COL25A1: variants seen among roughly 807,000 people sequenced by gnomAD.
The protein encoded by COL25A1 is collagen type XXV alpha 1 chain.
COL25A1 carries 103 observed loss-of-function variants against 128.4 expected under a neutral mutation model. The ratio of observed to expected loss-of-function variants is 0.80; its 90% CI spans 0.68 to 0.94. COL25A1 has a LOEUF of 0.94. COL25A1 is among the 40% of genes least tolerant of loss of function. The probability of loss-of-function intolerance (pLI) is 0.00; values close to 1 mark genes in which losing one functional copy is unlikely to be tolerated. For missense variants in COL25A1, 745 were observed against 840.0 expected (o/e 0.89, Z 1.40); for synonymous variants, 279 against 277.2 (o/e 1.01, Z -0.06).
chr4:109,268,775 G>T (rs1781965319), intron 3 of COL25A1, among the ~76,000 whole-genome samples: 1 of 152,082 alleles, frequency 6.6e-6, no homozygotes, highest in Non-Finnish European at 1.5e-5. Flanking sequence ...GTGTGAGCTG[G>T]CTCAACAGAA....
intron 19 of COL25A1, among the ~76,000 whole-genome samples, chr4:108,880,626 C>G (rs189236084): frequency 1.4e-3 from 217 of 152,286 alleles, no homozygotes; most frequent in Non-Finnish European, 2.3e-3. Context: ...TTAATTTTCA[C>G]AACAGCTCTC....
At chr4:109,249,306 T>C (rs1474357392) in intron 3 of COL25A1, among the ~76,000 whole-genome samples, 3 of 152,204 alleles carry the variant, frequency 2.0e-5, no homozygotes, top group Admixed American at 6.5e-5. Context: ...GAAGCCAAGA[T>C]TCATGTGATC....
chr4:109,094,096 A>G (rs946307111), intron 3 of COL25A1, among the ~76,000 whole-genome samples: 6 of 152,250 alleles, frequency 3.9e-5, no homozygotes, highest in African/African-American at 9.6e-5. Context: ...ATGAGTGAAT[A>G]AATGATAAGT....
chr4:109,150,583 T>C (rs1323065037), intron 3 of COL25A1, among the ~76,000 whole-genome samples: 1 of 152,188 alleles, frequency 6.6e-6, no homozygotes, highest in Non-Finnish European at 1.5e-5. Flanking sequence ...TAATTATCAT[T>C]AATATAATCA....
rs114542615 is a variant in COL25A1 at position 109,090,804 on chromosome 4, G to A, written c.368-40625C>T. Among the ~76,000 whole-genome samples, 1,409 of 152,258 alleles carry A rather than the reference G, an allele frequency of 9.3e-3. 24 individuals are homozygous for A. The highest frequency in any genetic ancestry group is 0.032 in the African/African-American group (1,331 of 41,552). ...ATGTGATGTAACTACTTGGGAAACA[G>A]TCTTTTGGACTCAGCATTAGTGATT... On this transcript the variant is annotated intron_variant, in intron 3 of 37. Coordinates refer to ENST00000399132, the MANE Select transcript of COL25A1 (RefSeq NM_198721.4).
intron 8 of COL25A1, among the ~76,000 whole-genome samples, chr4:108,948,452 A>G (rs1185852813): frequency 6.6e-6 from 1 of 152,148 alleles, no homozygotes; most frequent in African/African-American, 2.4e-5. Context: ...CAACTGGCTC[A>G]AAAAGTTACT....
chr4:109,001,896 T>C lies in COL25A1; in HGVS notation c.438+8462A>G, dbSNP rs1441749660. Among the ~76,000 whole-genome samples the C allele has an allele frequency of 3.4e-5, 5 of 147,190 alleles. No individual in the cohort carries two copies. The East Asian group carries it at 6.0e-4, about 18-fold the overall frequency. ...ATTATTGATAATATTAAAAGTACTATCACAAGAGATGTGACATTTTTCCAA... is the reference window on the plus strand; with the variant it reads ...ATTATTGATAATATTAAAAGTACTACCACAAGAGATGTGACATTTTTCCAA... On this transcript the variant is annotated intron_variant, in intron 6 of 37. Coordinates refer to ENST00000399132, the MANE Select transcript of COL25A1 (RefSeq NM_198721.4).
At chr4:109,288,161 C>T (rs1272953056) in intron 3 of COL25A1, among the ~76,000 whole-genome samples, 1 of 152,198 alleles carries the variant, frequency 6.6e-6, no homozygotes, top group Admixed American at 6.5e-5. Flanking sequence ...AAAGTTCCTT[C>T]AGTCCTTCCC....
chr4:109,048,245 A>G, intron 4 of COL25A1, 70 bp from the exon 5 acceptor site: 1 of 1,424,206 alleles, frequency 7.0e-7, no homozygotes, highest in South Asian at 1.2e-5. Flanking sequence ...ATTAAAATCA[A>G]ACAAAAGATA....
chr4:108,861,211 T>C (rs1737174535), intron 22 of COL25A1, among the ~76,000 whole-genome samples: 2 of 152,090 alleles, frequency 1.3e-5, no homozygotes, highest in South Asian at 2.1e-4. Context: ...CAACAATATA[T>C]ATGGTAACTG....
chr4:108,901,996 T>C lies in COL25A1; in HGVS notation c.781-824A>G, dbSNP rs1418063483. ...AGAATTCTGTTCTCATTTTAAAACA[T>C]TCTGAAAGCCCTTCACTGTGTGCCC... On this transcript the variant is annotated intron_variant, in intron 13 of 37. Coordinates refer to ENST00000399132, the MANE Select transcript of COL25A1 (RefSeq NM_198721.4). Among the ~76,000 whole-genome samples, 3 of 152,158 alleles carry C rather than the reference T, an allele frequency of 2.0e-5. No individual in the cohort carries two copies. In the East Asian group the frequency reaches 5.8e-4, roughly 29 times the overall value.
At chr4:108,923,785 A>T (rs965765266) in intron 11 of COL25A1, among the ~76,000 whole-genome samples, 2 of 152,212 alleles carry the variant, frequency 1.3e-5, no homozygotes. Flanking sequence ...GTGATTCAAG[A>T]TTTCCAAAAC....
intron 10 of COL25A1, among the ~76,000 whole-genome samples, chr4:108,938,792 G>C (rs1454079574): frequency 6.6e-6 from 1 of 152,134 alleles, no homozygotes; most frequent in Admixed American, 6.5e-5. Context: ...GGGAGGCAGA[G>C]GTTGCAGTGA....
At chr4:109,198,888 G>A (rs1470688664) in intron 3 of COL25A1, among the ~76,000 whole-genome samples, 1 of 152,254 alleles carries the variant, frequency 6.6e-6, no homozygotes, top group African/African-American at 2.4e-5. Flanking sequence ...ATACAGTACA[G>A]CTCTTCCTCT....
intron 3 of COL25A1, among the ~76,000 whole-genome samples, chr4:109,064,705 A>G (rs577399006): frequency 6.6e-6 from 1 of 152,344 alleles, no homozygotes; most frequent in African/African-American, 2.4e-5. Context: ...CTTATCTATA[A>G]CATGAAAGGA....
intron 3 of COL25A1, among the ~76,000 whole-genome samples, chr4:109,275,139 G>C (rs1722697650): frequency 6.6e-6 from 1 of 152,136 alleles, no homozygotes; most frequent in African/African-American, 2.4e-5. Context: ...CAGCAGCAAT[G>C]AGTAAATGTC....
chr4:108,964,216 C>T (rs1394044806), intron 8 of COL25A1, among the ~76,000 whole-genome samples: 1 of 151,274 alleles, frequency 6.6e-6, no homozygotes, highest in East Asian at 1.9e-4. Flanking sequence ...GAAATCCAAT[C>T]GTTATTTAAA....
chr4:108,861,666 G>A (rs1256083760), intron 22 of COL25A1, among the ~76,000 whole-genome samples: 1 of 152,166 alleles, frequency 6.6e-6, no homozygotes, highest in East Asian at 1.9e-4. Context: ...CTGTAGAGCA[G>A]CAGGAATAGT....
intron 5 of COL25A1, among the ~76,000 whole-genome samples, chr4:109,023,600 G>C (rs1215030934): frequency 1.3e-5 from 2 of 152,172 alleles, no homozygotes; most frequent in Non-Finnish European, 2.9e-5. Context: ...GGCAGAGAAA[G>C]CAGAAGTTAT....
Sources: gnomAD v4.1 joint callset for allele counts (sites outside exome capture counted in the v4.1 genomes callset) on GRCh38, gnomAD v4.1.1 for gene constraint, MANE v1.5 for transcripts, NCBI Gene and HGNC (gene_info 2026-07-23, HGNC 2026-07-21) for gene names.